Variants in ZMIZ1 observed in about 807,000 individuals in gnomAD.
ZMIZ1 encodes the protein zinc finger MIZ-type containing 1.
Under a neutral mutation model 113.9 loss-of-function variants are expected in ZMIZ1, and 17 were observed. The ratio of observed to expected loss-of-function variants is 0.15; its 90% CI spans 0.10 to 0.22. The LOEUF is 0.22. ZMIZ1 is among the 10% of genes least tolerant of loss of function. The pLI, the probability that ZMIZ1 is intolerant of heterozygous loss-of-function variation, is 1.00. For missense variants in ZMIZ1, 1,059 were observed against 1,477.8 expected (o/e 0.72, Z 4.65); for synonymous variants, 607 against 603.1 (o/e 1.01, Z -0.09).
chr10:79,298,686 G>T, intron 15 of ZMIZ1, 106 bp downstream of exon 15: 3 of 1,097,042 alleles, frequency 2.7e-6, no homozygotes, highest in Admixed American at 5.3e-5. Flanking sequence ...ATCAGAAGGG[G>T]CAGAGAGTTG....
Position 79,314,850 on chromosome 10 carries a change from C to T in ZMIZ1, c.*2101C>T, listed in dbSNP as rs1008938554. On this transcript the variant is annotated 3_prime_UTR_variant, in exon 25 of 25. Coordinates refer to ENST00000334512, the MANE Select transcript of ZMIZ1 (RefSeq NM_020338.4). The stretch of plus-strand genomic sequence containing the variant: ...CCAACGCCAGGTAGCATGTGGCCAC[C>T]CTTGCCCAGTGTCTGTGGCCTGGCA... The T allele has an allele frequency of 6.5e-6, 1 of 153,980 alleles. No homozygotes were observed. Among genetic ancestry groups the T allele is most frequent in the Non-Finnish European group, 1.4e-5 (1 of 69,358 alleles). 9.5% of individuals were successfully genotyped at this position (153,980 alleles called of 1,614,324 possible).
At chr10:79,092,092 T>C (rs573866094) in intron 1 of ZMIZ1, among the ~76,000 whole-genome samples, 2 of 152,110 alleles carry the variant, frequency 1.3e-5, no homozygotes, top group African/African-American at 4.8e-5. Flanking sequence ...CAGCAGCAGC[T>C]GGGGCTTCTG....
chr10:79,275,957 T>C (rs1852261497), intron 7 of ZMIZ1, among the ~76,000 whole-genome samples: 1 of 152,238 alleles, frequency 6.6e-6, no homozygotes, highest in Non-Finnish European at 1.5e-5. Context: ...TGGAGTCGGC[T>C]TTGCACCCAG....
chr10:79,119,400 T>G (rs1009139852), intron 2 of ZMIZ1, among the ~76,000 whole-genome samples: 1 of 152,250 alleles, frequency 6.6e-6, no homozygotes, highest in Non-Finnish European at 1.5e-5. Context: ...TGCAAAGTAC[T>G]ATAGAGTTAT....
intron 18 of ZMIZ1, among the ~76,000 whole-genome samples, chr10:79,303,735 C>T (rs573781820): frequency 3.3e-5 from 5 of 152,334 alleles, no homozygotes; most frequent in Non-Finnish European, 7.3e-5. Flanking sequence ...GCCCCTTCCT[C>T]GCGAAGGCAG....
At chr10:79,236,587 C>G (rs1207560498) in intron 7 of ZMIZ1, among the ~76,000 whole-genome samples, 1 of 152,174 alleles carries the variant, frequency 6.6e-6, no homozygotes, top group Admixed American at 6.5e-5. Flanking sequence ...CGCTCCCCAC[C>G]ACCTCCAGCA....
intron 1 of ZMIZ1, among the ~76,000 whole-genome samples, chr10:79,088,502 A>G (rs189027594): frequency 6.6e-6 from 1 of 152,332 alleles, no homozygotes; most frequent in East Asian, 1.9e-4. Flanking sequence ...TCTTTCGGTT[A>G]AAGGTGCAGG....
At chr10:79,216,610 G>A (rs547969349) in intron 7 of ZMIZ1, among the ~76,000 whole-genome samples, 2 of 152,280 alleles carry the variant, frequency 1.3e-5, no homozygotes, top group African/African-American at 2.4e-5. Flanking sequence ...AGCACTGTGA[G>A]CTCCCCATTT....
intron 7 of ZMIZ1, among the ~76,000 whole-genome samples, chr10:79,246,310 G>T (rs971277150): frequency 6.6e-6 from 1 of 152,252 alleles, no homozygotes; most frequent in African/African-American, 2.4e-5. Flanking sequence ...GCCAGTAGGC[G>T]TCAGTCCCTG....
At chr10:79,148,369 G>T (rs112829368) in intron 3 of ZMIZ1, among the ~76,000 whole-genome samples, 3 of 152,198 alleles carry the variant, frequency 2.0e-5, no homozygotes, top group Non-Finnish European at 2.9e-5. Context: ...AAGCTTAGGC[G>T]TACTTCCCCA....
intron 1 of ZMIZ1, among the ~76,000 whole-genome samples, chr10:79,072,048 T>G (rs1171392448): frequency 6.6e-6 from 1 of 152,100 alleles, no homozygotes; most frequent in Non-Finnish European, 1.5e-5. Flanking sequence ...GGGTAGGGCT[T>G]ACTGAGAAGA....
chr10:79,176,000 C>T (rs910423194), intron 4 of ZMIZ1, among the ~76,000 whole-genome samples: 2 of 151,956 alleles, frequency 1.3e-5, no homozygotes, highest in African/African-American at 2.4e-5. Context: ...TGAAAATGTG[C>T]CCTTTGTCTA....
chr10:79,071,171 T>C (rs541554815), intron 1 of ZMIZ1, among the ~76,000 whole-genome samples: 7 of 152,132 alleles, frequency 4.6e-5, no homozygotes, highest in African/African-American at 1.7e-4. Flanking sequence ...CCGCGCCGGG[T>C]GCAGAGCCGC....
At chr10:79,208,134 TG>T (rs1327736430) in intron 5 of ZMIZ1, among the ~76,000 whole-genome samples, 36 of 15,000 alleles carry the variant, frequency 2.4e-3, no homozygotes, top group East Asian at 0.021. Flanking sequence ...GAGGTGGGGG[TG>T]GGGGGGGGTG....
intron 16 of ZMIZ1, 117 bp downstream of exon 16, chr10:79,299,308 AC>A: frequency 7.2e-7 from 1 of 1,393,112 alleles, no homozygotes; most frequent in Non-Finnish European, 9.5e-7. Context: ...TGACACCTTC[AC>A]GTGTTCAGCA....
chr10:79,188,390 GC>G (rs887830984), intron 4 of ZMIZ1, among the ~76,000 whole-genome samples: 3 of 152,138 alleles, frequency 2.0e-5, no homozygotes, highest in Non-Finnish European at 4.4e-5. Flanking sequence ...CGCTCTTCCC[GC>G]CCCCGAGCCA....
At position 79,201,763 on chromosome 10, in the gene ZMIZ1, G is replaced by A. The variant is rs997253548; in HGVS notation, c.60+71G>A. On this transcript the variant is annotated intron_variant, in intron 5 of 24. Coordinates refer to ENST00000334512, the MANE Select transcript of ZMIZ1 (RefSeq NM_020338.4). The stretch of plus-strand genomic sequence containing the variant: ...GGGCTGCAGCAGCAGGGCATCTGGT[G>A]GGTTCTGGCTGGAGACGATGGCAGG... The A allele has an allele frequency of 5.4e-4, 834 of 1,558,080 alleles. 1 individual carries two copies. Among genetic ancestry groups the A allele is most frequent in the Non-Finnish European group, 6.9e-4 (785 of 1,140,914 alleles).
chr10:79,310,652 T>C (rs930557888), intron 23 of ZMIZ1, among the ~76,000 whole-genome samples: 1 of 152,000 alleles, frequency 6.6e-6, no homozygotes, highest in Non-Finnish European at 1.5e-5. Flanking sequence ...GCTCCCCGTG[T>C]CTGTGCTTGT....
intron 7 of ZMIZ1, among the ~76,000 whole-genome samples, chr10:79,232,293 C>A (rs995629654): frequency 2.6e-5 from 4 of 152,066 alleles, no homozygotes; most frequent in Non-Finnish European, 4.4e-5. Context: ...GTGGGTGGTA[C>A]CCCTGCACCC....
Sources: allele counts gnomAD v4.1 joint callset (sites outside exome capture counted in the v4.1 genomes callset), GRCh38; gene constraint gnomAD v4.1.1; transcripts MANE v1.5; gene names NCBI Gene and HGNC (gene_info 2026-07-23, HGNC 2026-07-21).